The following POLR3B variants were observed in gnomAD, a reference collection of about 807,000 sequenced individuals.
POLR3B encodes the protein RNA polymerase III subunit B.
A neutral mutation model predicts 147.4 loss-of-function variants in POLR3B; 96 were observed. That is an observed-to-expected ratio of 0.65 (90% CI 0.55 to 0.77). The LOEUF is 0.77. Among genes scored for constraint, POLR3B ranks in the 30% least tolerant of loss-of-function variants. The probability of loss-of-function intolerance (pLI) is 0.00; values close to 1 mark genes in which losing one functional copy is unlikely to be tolerated. For missense variants in POLR3B, 1,036 were observed against 1,413.5 expected (o/e 0.73, Z 4.28); for synonymous variants, 461 against 485.9 (o/e 0.95, Z 0.67).
chr12:106,445,754 CTG>C (rs1343061367), intron 19 of POLR3B, among the ~76,000 whole-genome samples: 9 of 152,122 alleles, frequency 5.9e-5, no homozygotes, highest in Non-Finnish European at 1.0e-4. Flanking sequence ...CATAAAGAAA[CTG>C]TAAAAATACA....
intron 13 of POLR3B, among the ~76,000 whole-genome samples, chr12:106,429,208 A>G (rs2137000971): frequency 6.6e-6 from 1 of 152,250 alleles, no homozygotes; most frequent in Non-Finnish European, 1.5e-5. Context: ...GCTGGAGTAC[A>G]GTGGTGCAAT....
chr12:106,395,564 G>A (rs535755737), intron 10 of POLR3B, among the ~76,000 whole-genome samples: 14 of 152,178 alleles, frequency 9.2e-5, no homozygotes, highest in African/African-American at 3.1e-4. Context: ...TCCAACAATG[G>A]GCACTACAAT....
intron 9 of POLR3B, among the ~76,000 whole-genome samples, chr12:106,381,102 T>C (rs1053579198): frequency 6.6e-6 from 1 of 152,242 alleles, no homozygotes; most frequent in African/African-American, 2.4e-5. Flanking sequence ...TATAGTCTTT[T>C]TACTGGTAGA....
intron 10 of POLR3B, 127 bp downstream of exon 10, chr12:106,393,280 G>T: frequency 1.5e-6 from 2 of 1,363,766 alleles, no homozygotes; most frequent in South Asian, 2.3e-5. Context: ...GGGAGATATG[G>T]GAGGAGTGAA....
At chr12:106,451,210 T>C (rs1489577514) in intron 19 of POLR3B, among the ~76,000 whole-genome samples, 2 of 152,110 alleles carry the variant, frequency 1.3e-5, no homozygotes, top group African/African-American at 4.8e-5. Flanking sequence ...TTGACTATAG[T>C]GGTGGTTTCA....
At chr12:106,425,030 A>G (rs2037418233) in intron 12 of POLR3B, among the ~76,000 whole-genome samples, 1 of 152,088 alleles carries the variant, frequency 6.6e-6, no homozygotes, top group African/African-American at 2.4e-5. Context: ...TGGATTTTCT[A>G]TGTGGATGAA....
intron 9 of POLR3B, among the ~76,000 whole-genome samples, chr12:106,382,916 G>A (rs1409763706): frequency 6.6e-6 from 1 of 152,224 alleles, no homozygotes. Context: ...TAGATGGCAT[G>A]TTCTTTCAAT....
At chr12:106,452,484 T>C (rs1449821296) in intron 19 of POLR3B, among the ~76,000 whole-genome samples, 1 of 152,214 alleles carries the variant, frequency 6.6e-6, no homozygotes, top group East Asian at 1.9e-4. Context: ...GCTTCCCTGC[T>C]GCATAATAAT....
At chr12:106,428,187 T>C (rs1395620518) in intron 13 of POLR3B, among the ~76,000 whole-genome samples, 5 of 152,206 alleles carry the variant, frequency 3.3e-5, no homozygotes, top group Non-Finnish European at 7.3e-5. Flanking sequence ...TCGTCTGAGG[T>C]GGATCCCTGA....
At chr12:106,449,138 T>C (rs1461251310) in intron 19 of POLR3B, among the ~76,000 whole-genome samples, 1 of 152,224 alleles carries the variant, frequency 6.6e-6, no homozygotes, top group African/African-American at 2.4e-5. Flanking sequence ...GACCCAAGTC[T>C]AAACACGAAA....
chr12:106,500,595 G>A (rs1455173300), intron 25 of POLR3B, among the ~76,000 whole-genome samples: 2 of 152,214 alleles, frequency 1.3e-5, no homozygotes, highest in East Asian at 1.9e-4. Context: ...TTCTTTAGAT[G>A]TGGTATTCAG....
At chr12:106,390,902 T>G (rs944488110) in intron 9 of POLR3B, among the ~76,000 whole-genome samples, 2 of 152,116 alleles carry the variant, frequency 1.3e-5, no homozygotes, top group Non-Finnish European at 2.9e-5. Flanking sequence ...AAGCTGAGCA[T>G]AGTAGCATGT....
intron 13 of POLR3B, among the ~76,000 whole-genome samples, chr12:106,429,262 C>T (rs1387994758): frequency 6.6e-6 from 1 of 152,122 alleles, no homozygotes; most frequent in African/African-American, 2.4e-5. Flanking sequence ...AAGTGATCCT[C>T]CCACATAGCT....
chr12:106,419,718 G>A (rs539294571), intron 12 of POLR3B, among the ~76,000 whole-genome samples: 9 of 143,724 alleles, frequency 6.3e-5, no homozygotes, highest in African/African-American at 2.3e-4. Flanking sequence ...GGAGTATTTA[G>A]TATGCATAAT....
chr12:106,440,542 G>A (rs990507297), intron 18 of POLR3B, among the ~76,000 whole-genome samples: 7 of 152,024 alleles, frequency 4.6e-5, no homozygotes, highest in Non-Finnish European at 1.0e-4. Flanking sequence ...CACTCCAGGC[G>A]TGCCTCTGCC....
At chr12:106,446,747 T>TA (rs963376234) in intron 19 of POLR3B, among the ~76,000 whole-genome samples, 3 of 151,808 alleles carry the variant, frequency 2.0e-5, no homozygotes, top group Admixed American at 1.3e-4. Flanking sequence ...TCTTAAGTAA[T>TA]AAAAAAAAGC....
Position 106,372,251 on chromosome 12 carries a change from C to T in POLR3B, c.404+2568C>T, listed in dbSNP as rs561373735. ...TCCTTCTCTCCCCTTCCTCACCTTT[C>T]GTCCCATTCCCAACTTCATAACTAT... On this transcript the variant is annotated intron_variant, in intron 6 of 27. Coordinates refer to ENST00000228347, the MANE Select transcript of POLR3B (RefSeq NM_018082.6). Among the ~76,000 whole-genome samples the T allele has an allele frequency of 5.3e-5, 8 of 152,052 alleles. No individual in the cohort carries two copies. In the South Asian group the frequency reaches 8.3e-4, roughly 16 times the overall value.
At chr12:106,363,080 C>T (rs2036490383) in intron 1 of POLR3B, among the ~76,000 whole-genome samples, 1 of 152,182 alleles carries the variant, frequency 6.6e-6, no homozygotes, top group Non-Finnish European at 1.5e-5. Flanking sequence ...TCCTGCTCCT[C>T]CTCTCTGATT....
chr12:106,369,453 C>T (rs2036575114), intron 5 of POLR3B, 103 bp downstream of exon 5: 1 of 951,326 alleles, frequency 1.1e-6, no homozygotes. Flanking sequence ...TGGGGGGGGA[C>T]ATTCTTTGGA....
Sources: allele counts gnomAD v4.1 joint callset (sites outside exome capture counted in the v4.1 genomes callset), GRCh38; gene constraint gnomAD v4.1.1; transcripts MANE v1.5; gene names NCBI Gene and HGNC (gene_info 2026-07-23, HGNC 2026-07-21).